LRATD2: variants seen among roughly 807,000 people sequenced by gnomAD.
LRATD2 encodes the protein protein LRATD2.
Under a neutral mutation model 12.0 loss-of-function variants are expected in LRATD2, and 10 were observed. That is an observed-to-expected ratio of 0.83 (90% confidence interval 0.51 to 1.41). LRATD2 has a LOEUF of 1.41. LRATD2 is among the 40% of genes most tolerant of loss of function. The probability of loss-of-function intolerance (pLI) is 0.00; values close to 1 mark genes in which losing one functional copy is unlikely to be tolerated. For missense variants in LRATD2, 455 were observed against 446.1 expected (o/e 1.02, Z -0.18); for synonymous variants, 220 against 205.8 (o/e 1.07, Z -0.59).
In LRATD2 at chr8:126,554,937, T is replaced by A. The variant is rs896898057; in HGVS notation, c.*1520A>T. On this transcript the variant is annotated 3_prime_UTR_variant, in exon 2 of 2. Transcript: ENST00000304916. The stretch of plus-strand genomic sequence containing the variant: ...GCTATGCTGCAACTGAGGGCACATA[T>A]CATTGAAGATGTCACAGGAGTTTAA... The A allele has an allele frequency of 1.3e-5, 2 of 151,784 alleles. No homozygotes were observed. The highest frequency in any genetic ancestry group is 4.8e-5 in the African/African-American group (2 of 41,316). 9.4% of individuals were successfully genotyped at this position (151,784 alleles called of 1,614,324 possible).
At position 126,558,377 on chromosome 8, in the gene LRATD2, G is replaced by C. The variant is rs893558917; in HGVS notation, c.-440C>G. 6.6e-6 allele frequency: 1 copy of C among 152,248 alleles called. No homozygotes were observed. Among genetic ancestry groups the C allele is most frequent in the East Asian group, 1.9e-4 (1 of 5,172 alleles). 9.4% of individuals were successfully genotyped at this position (152,248 alleles called of 1,614,324 possible). ...GCCTGGCGGCAACAGCTCCCGCTTG[G>C]GCCGGGCGAGCAACAAGCACCGGAG... On this transcript the variant is annotated 5_prime_UTR_variant, in exon 1 of 2. Transcript: ENST00000304916.
rs1817330426 is a variant in LRATD2 at position 126,553,857 on chromosome 8, G to C, written c.*2600C>G. On this transcript the variant is annotated 3_prime_UTR_variant, in exon 2 of 2. Transcript: ENST00000304916. ...TTGAAAACCTCTTCTCTAGAAGAGA[G>C]AGTCACTGCTCTCTCTTAACACAGT... is the stretch of plus-strand genomic sequence containing the variant. 6.6e-6 allele frequency: 1 copy of C among 152,222 alleles called. No individual in the cohort carries two copies. The highest frequency in any genetic ancestry group is 2.4e-5 in the African/African-American group (1 of 41,460). The allele number at this position is 152,222 out of a possible 1,614,324, so 9.4% of individuals were successfully genotyped here. A position where few individuals can be genotyped will look rare whatever the true frequency, so the allele number is the denominator to read the frequency against.
At position 126,556,576 on chromosome 8, in the gene LRATD2, G is replaced by A. The variant is rs1817401065; in HGVS notation, c.814C>T (p.His272Tyr). 6.2e-7 allele frequency: 1 copy of A among 1,609,520 alleles called. No homozygotes were observed. Among genetic ancestry groups the A allele is most frequent in the South Asian group, 1.1e-5 (1 of 90,684 alleles). The part of the protein sequence containing the change: ...RAAVLQELAT[H>Y]LHPAEPEEGD... ...TCCTCCGGCTCCGCCGGGTGCAGGT[G>A]CGTGGCGAGCTCCTGCAGCACGGCC... The change falls in exon 2 of 2, where the codon CAC becomes TAC. Residue 272 changes from histidine (H) to tyrosine (Y), a missense_variant. His to Tyr is a moderately conservative substitution (Grantham distance 83, BLOSUM62 2). Coordinates refer to ENST00000304916, the MANE Select transcript of LRATD2 (RefSeq NM_174911.5). The surrounding 1 kb of genome is among the most constrained non-coding windows in gnomAD (Gnocchi z 5.6).
chr8:126,553,444 T>G lies in LRATD2; in HGVS notation c.*3013A>C, dbSNP rs186092609. 3 of 152,806 alleles carry G rather than the reference T, an allele frequency of 2.0e-5. No individual in the cohort carries two copies. Among genetic ancestry groups the G allele is most frequent in the Admixed American group, 2.0e-4 (3 of 15,306 alleles). 9.5% of individuals were successfully genotyped at this position (152,806 alleles called of 1,614,324 possible). ...CTTCTGAAGAACATTAGAATCGATATTTCTTTCCTTCAAAGAGCATCCGTA... is the reference window on the plus strand; with the variant it reads ...CTTCTGAAGAACATTAGAATCGATAGTTCTTTCCTTCAAAGAGCATCCGTA... On this transcript the variant is annotated 3_prime_UTR_variant, in exon 2 of 2. Coordinates refer to ENST00000304916, the MANE Select transcript of LRATD2 (RefSeq NM_174911.5).
chr8:126,557,348 C>A lies in LRATD2; in HGVS notation c.42G>T (p.Lys14Asn), dbSNP rs753600092. The A allele has an allele frequency of 3.1e-5, 50 of 1,613,770 alleles. No individual in the cohort carries two copies. The highest frequency in any genetic ancestry group is 3.8e-5 in the Non-Finnish European group (45 of 1,180,008). Residue 14 changes from lysine to asparagine, a missense_variant, in exon 2 of 2, where the codon AAG becomes AAT. Lys to Asn is a moderately conservative substitution (Grantham distance 94). Transcript: ENST00000304916. The surrounding 1 kb of genome is among the most constrained non-coding windows in gnomAD (Gnocchi z 5.3). ...QVEKLTHLSY[K>N]EVPTADPTGV... is the part of the protein sequence containing the mutation. ...CAGTCGGGTCGGCCGTGGGAACTTC[C>A]TTGTAACTTAGGTGGGTCAATTTCT...
Position 126,557,498 on chromosome 8 carries a change from G to T in LRATD2, c.-96-13C>A. ...GGGCTGAGGCTACCTGTTGGGAGAGGAAGGCAAGAAAGCCATGCAGGAGCC... is the reference window on the plus strand; with the variant it reads ...GGGCTGAGGCTACCTGTTGGGAGAGTAAGGCAAGAAAGCCATGCAGGAGCC... On this transcript the variant is annotated splice_polypyrimidine_tract_variant and intron_variant, in intron 1 of 1. Transcript: ENST00000304916. The surrounding 1 kb of genome is among the most constrained non-coding windows in gnomAD (Gnocchi z 5.3). The T allele has an allele frequency of 2.4e-6, 3 of 1,252,506 alleles. No homozygotes were observed. Among genetic ancestry groups the T allele is most frequent in the Admixed American group, 2.8e-5 (1 of 35,980 alleles). The allele number at this position is 1,252,506 out of a possible 1,614,324, so 77.6% of individuals were successfully genotyped here.
rs1817359131 is a variant in LRATD2, at chr8:126,555,169, G to T, written c.*1288C>A. Reference sequence around the variant, plus strand: ...TTATTTAACAAAGGGCTCTGAAGGAGGTGTTCTCCAAGCAACAAGGAGACT... The same window carrying T: ...TTATTTAACAAAGGGCTCTGAAGGATGTGTTCTCCAAGCAACAAGGAGACT... On this transcript the variant is annotated 3_prime_UTR_variant, in exon 2 of 2. Transcript: ENST00000304916. 1 of 152,162 alleles carries T rather than the reference G, an allele frequency of 6.6e-6. No homozygotes were observed. Among genetic ancestry groups the T allele is most frequent in the African/African-American group, 2.4e-5 (1 of 41,428 alleles). The allele number at this position is 152,162 out of a possible 1,614,324, so 9.4% of individuals were successfully genotyped here. A position where few individuals can be genotyped will look rare whatever the true frequency, so the allele number is the denominator to read the frequency against.
In LRATD2 at chr8:126,557,649, C is replaced by T; in HGVS notation, c.-96-164G>A. 1 of 531,734 alleles carries T rather than the reference C, an allele frequency of 1.9e-6. No homozygotes were observed. The highest frequency in any genetic ancestry group is 3.3e-6 in the Non-Finnish European group (1 of 303,136). The allele number at this position is 531,734 out of a possible 1,614,324, so 32.9% of individuals were successfully genotyped here. On this transcript the variant is annotated intron_variant, in intron 1 of 1. Transcript: ENST00000304916. This position sits in a 1 kb window ranked among gnomAD's most constrained non-coding sequence, Gnocchi z 5.3. ...GTTTCTCCACCTGTAAGGTCACGGTCACAGGAGACTGGGCAACTCCTGTTC... is the reference window on the plus strand; with the variant it reads ...GTTTCTCCACCTGTAAGGTCACGGTTACAGGAGACTGGGCAACTCCTGTTC...
At position 126,557,594 on chromosome 8, in the gene LRATD2, G is replaced by C. The variant is rs376645341; in HGVS notation, c.-96-109C>G. 1 of 596,524 alleles carries C rather than the reference G, an allele frequency of 1.7e-6. No individual in the cohort carries two copies. The highest frequency in any genetic ancestry group is 3.3e-5 in the Admixed American group (1 of 30,028). 37.0% of individuals were successfully genotyped at this position (596,524 alleles called of 1,614,324 possible). ...CTCAGCACCTGGAGCCATTTTAGGG[G>C]GAAGTCTCGGGTGTAGCGAGCTTTC... On this transcript the variant is annotated intron_variant, in intron 1 of 1. Transcript: ENST00000304916. This position sits in a 1 kb window ranked among gnomAD's most constrained non-coding sequence, Gnocchi z 5.3.
Position 126,557,481 on chromosome 8 carries a change from GCTACCT to G in LRATD2, c.-96-2_-93del. The G allele has an allele frequency of 7.2e-7, 1 of 1,387,660 alleles. No homozygotes were observed. 86.0% of individuals were successfully genotyped at this position (1,387,660 alleles called of 1,614,324 possible). On this transcript the variant is annotated splice_acceptor_variant and 5_prime_UTR_variant, in exon 2 of 2. Transcript: ENST00000304916. LOFTEE classifies it low-confidence loss of function (5UTR_SPLICE). This position sits in a 1 kb window ranked among gnomAD's most constrained non-coding sequence, Gnocchi z 5.3. Reference sequence around the variant, plus strand: ...CACAGGTCCCCGGACAGGGGCTGAGGCTACCTGTTGGGAGAGGAAGGCAAGAAAGCC... The same window carrying G: ...CACAGGTCCCCGGACAGGGGCTGAGGGTTGGGAGAGGAAGGCAAGAAAGCC...
rs202073050 is a variant in LRATD2 at position 126,557,397 on chromosome 8, C to A, written c.-8G>T. ...CTCCACCTGGTTGCCCATCACGCTG[C>A]GGACACACGTTCACACCGCCGCAAG... On this transcript the variant is annotated 5_prime_UTR_variant, in exon 2 of 2. Transcript: ENST00000304916. This position sits in a 1 kb window ranked among gnomAD's most constrained non-coding sequence, Gnocchi z 5.3. The A allele has an allele frequency of 2.5e-6, 4 of 1,612,206 alleles. No homozygotes were observed. In the African/African-American group the frequency reaches 5.3e-5, roughly 22 times the overall value.
At position 126,553,318 on chromosome 8, in the gene LRATD2, A is replaced by G. The variant is rs543916707; in HGVS notation, c.*3139T>C. The stretch of plus-strand genomic sequence containing the variant: ...AGTTGTGGGCTCCTTTGACATACAT[A>G]AGCAGTTTCAATAAAATATTTGCTC... On this transcript the variant is annotated 3_prime_UTR_variant, in exon 2 of 2. Transcript: ENST00000304916. The G allele has an allele frequency of 6.5e-6, 1 of 152,790 alleles. No homozygotes were observed. Among genetic ancestry groups the G allele is most frequent in the Non-Finnish European group, 1.5e-5 (1 of 68,044 alleles). 9.5% of individuals were successfully genotyped at this position (152,790 alleles called of 1,614,324 possible). A position where few individuals can be genotyped will look rare whatever the true frequency, so the allele number is the denominator to read the frequency against.
rs1296820981 is a variant in LRATD2 at position 126,556,469 on chromosome 8, T to A, written c.921A>T (p.Ala307=). The part of the protein sequence containing the change: ...APSSEEEDGE[A]VAH ...CTCAGCTCGCCCATCAGTGTGCCAC[T>A]GCCTCTCCGTCCTCCTCCTCGGAGC... Residue 307 remains alanine, a synonymous_variant, in exon 2 of 2, where the codon GCA becomes GCT. Coordinates refer to ENST00000304916, the MANE Select transcript of LRATD2 (RefSeq NM_174911.5). The surrounding 1 kb of genome is among the most constrained non-coding windows in gnomAD (Gnocchi z 5.6). 2 of 1,578,500 alleles carry A rather than the reference T, an allele frequency of 1.3e-6. No homozygotes were observed. The highest frequency in any genetic ancestry group is 1.9e-5 in the Admixed American group (1 of 51,992).
At position 126,556,347 on chromosome 8, in the gene LRATD2, C is replaced by G; in HGVS notation, c.*110G>C. 7.8e-7 allele frequency: 1 copy of G among 1,289,990 alleles called. No individual in the cohort carries two copies. Among genetic ancestry groups the G allele is most frequent in the Non-Finnish European group, 1.0e-6 (1 of 969,354 alleles). 79.9% of individuals were successfully genotyped at this position (1,289,990 alleles called of 1,614,324 possible). On this transcript the variant is annotated 3_prime_UTR_variant, in exon 2 of 2. Coordinates refer to ENST00000304916, the MANE Select transcript of LRATD2 (RefSeq NM_174911.5). This position sits in a 1 kb window ranked among gnomAD's most constrained non-coding sequence, Gnocchi z 5.6. ...ACTCTTTTCCAAAGGGCCCAGGAAT[C>G]CCAGATGGGGCCCAGACAGTGGCAA...
In LRATD2 at chr8:126,557,355, C is replaced by A. The variant is rs763691132; in HGVS notation, c.35G>T (p.Ser12Ile). 6.2e-7 allele frequency: 1 copy of A among 1,613,752 alleles called. No individual in the cohort carries two copies. The highest frequency in any genetic ancestry group is 1.6e-4 in the Middle Eastern group (1 of 6,062). The change falls in exon 2 of 2, where the codon AGT becomes ATT. Residue 12 changes from serine to isoleucine, a missense_variant. Ser to Ile is a moderately radical substitution (Grantham distance 142, BLOSUM62 -2). Transcript: ENST00000304916. The surrounding 1 kb of genome is among the most constrained non-coding windows in gnomAD (Gnocchi z 5.3). ...GTCGGCCGTGGGAACTTCCTTGTAA[C>A]TTAGGTGGGTCAATTTCTCCACCTG... ...GNQVEKLTHL[S>I]YKEVPTADPT...
rs1300349097 is a variant in LRATD2, at chr8:126,554,061, A to T, written c.*2396T>A. ...TGCTCTGCTGCCCAGGCTGGAGTGCAGTGGTGCGATCTCGGCTCACTGCAA... is the reference window on the plus strand; with the variant it reads ...TGCTCTGCTGCCCAGGCTGGAGTGCTGTGGTGCGATCTCGGCTCACTGCAA... On this transcript the variant is annotated 3_prime_UTR_variant, in exon 2 of 2. Coordinates refer to ENST00000304916, the MANE Select transcript of LRATD2 (RefSeq NM_174911.5). The T allele has an allele frequency of 6.6e-6, 1 of 152,454 alleles. No individual in the cohort carries two copies. The highest frequency in any genetic ancestry group is 1.5e-5 in the Non-Finnish European group (1 of 68,248). The allele number at this position is 152,454 out of a possible 1,614,324, so 9.4% of individuals were successfully genotyped here.
rs1028752008 is a variant in LRATD2 at position 126,557,810 on chromosome 8, C to A, written c.-97+224G>T. On this transcript the variant is annotated intron_variant, in intron 1 of 1. Transcript: ENST00000304916. The surrounding 1 kb of genome is among the most constrained non-coding windows in gnomAD (Gnocchi z 5.3). Reference sequence around the variant, plus strand: ...AAGAGAAACTTTACGCCAATCCCCCCCCTCCTCTGCTAACTTCCCCTCCCA... The same window carrying A: ...AAGAGAAACTTTACGCCAATCCCCCACCTCCTCTGCTAACTTCCCCTCCCA... The A allele has an allele frequency of 2.8e-5, 5 of 179,858 alleles. No individual in the cohort carries two copies. In the South Asian group the frequency reaches 5.2e-4, roughly 19 times the overall value. 11.1% of individuals were successfully genotyped at this position (179,858 alleles called of 1,614,324 possible).
rs142519645 is a variant in LRATD2 at position 126,557,804 on chromosome 8, TC to T, written c.-97+229del. On this transcript the variant is annotated intron_variant, in intron 1 of 1. Transcript: ENST00000304916. This position sits in a 1 kb window ranked among gnomAD's most constrained non-coding sequence, Gnocchi z 5.3. ...GAAGGAAAGAGAAACTTTACGCCAA[TC>T]CCCCCCCTCCTCTGCTAACTTCCCC... is the stretch of plus-strand genomic sequence containing the variant. 3.8e-3 allele frequency: 635 copies of T among 169,036 alleles called. 7 individuals carry two copies. Among genetic ancestry groups the T allele is most frequent in the African/African-American group, 0.013 (538 of 40,474 alleles). The allele number at this position is 169,036 out of a possible 1,614,324, so 10.5% of individuals were successfully genotyped here.
rs1439089076 is a variant in LRATD2, at chr8:126,553,274, CA to C, written c.*3182del. 1 of 152,580 alleles carries C rather than the reference CA, an allele frequency of 6.6e-6. No individual in the cohort carries two copies. The highest frequency in any genetic ancestry group is 1.5e-5 in the Non-Finnish European group (1 of 68,018). The allele number at this position is 152,580 out of a possible 1,614,324, so 9.5% of individuals were successfully genotyped here. A position where few individuals can be genotyped will look rare whatever the true frequency, so the allele number is the denominator to read the frequency against. ...ACAAAAAGTATGAGTTCTTTCAATA[CA>C]AAAAGTTGTGTAGCTGAAGTTGTGG... On this transcript the variant is annotated 3_prime_UTR_variant, in exon 2 of 2. Transcript: ENST00000304916.
Sources: gnomAD v4.1 joint callset for allele counts on GRCh38, gnomAD v4.1.1 for gene constraint, Gnocchi (gnomAD v3.1) non-coding constraint, MANE v1.5 for transcripts, NCBI Gene and HGNC (gene_info 2026-07-23, HGNC 2026-07-21) for gene names.